Variants in CENPQ observed in about 807,000 individuals in gnomAD.
The protein encoded by CENPQ is chromosome 6 open reading frame 139.
A neutral mutation model predicts 36.6 loss-of-function variants in CENPQ; 27 were observed. The ratio of observed to expected loss-of-function variants is 0.74; its 90% confidence interval spans 0.54 to 1.02. CENPQ has a LOEUF of 1.02. Among genes scored for constraint, CENPQ ranks in the 50% least tolerant of loss-of-function variants. The pLI, the probability that CENPQ is intolerant of heterozygous loss-of-function variation, is 0.00. For synonymous variants in CENPQ, 101 were observed against 101.7 expected (o/e 0.99, Z 0.04); for missense variants, 306 against 301.8 (o/e 1.01, Z -0.10).
chr6:49,488,189 G>C (rs766288206), intron 6 of CENPQ, among the ~76,000 whole-genome samples, 163 bp from the exon 7 acceptor site: 1 of 152,122 alleles, frequency 6.6e-6, no homozygotes, highest in Non-Finnish European at 1.5e-5. Flanking sequence ...TTTCCAAGAA[G>C]TCTCTTTTTT....
At chr6:49,472,357 T>C (rs1196843409) in intron 4 of CENPQ, among the ~76,000 whole-genome samples, 174 bp downstream of exon 4, 2 of 152,182 alleles carry the variant, frequency 1.3e-5, no homozygotes, top group Non-Finnish European at 2.9e-5. Context: ...TCTTTGTTAA[T>C]TTTAGAAACC....
intron 6 of CENPQ, among the ~76,000 whole-genome samples, chr6:49,484,211 A>G (rs995280491): frequency 6.6e-5 from 10 of 152,342 alleles, no homozygotes; most frequent in Admixed American, 2.0e-4. Context: ...AATCCTCACA[A>G]TGACTTAGAG....
In CENPQ at chr6:49,472,794, A is replaced by G. The variant is rs555047187; in HGVS notation, c.283A>G (p.Ile95Val). The change falls in exon 5 of 9, where the codon ATT becomes GTT. Residue 95 changes from isoleucine (I) to valine (V), a missense_variant. Coordinates refer to ENST00000335783, the MANE Select transcript of CENPQ (RefSeq NM_018132.4). ...QTMMESVIMT[I>V]LSNSIKEKEE... ...CCATCTTTTTTTCTTTTCTAGGACA[A>G]TTTTGAGTAACAGTATTAAAGAAAA... is the stretch of plus-strand genomic sequence containing the variant. 8.3e-6 allele frequency: 12 copies of G among 1,444,722 alleles called. No homozygotes were observed. In the Admixed American group the frequency reaches 1.8e-4, roughly 21 times the overall value. 89.5% of individuals were successfully genotyped at this position (1,444,722 alleles called of 1,614,324 possible).
At chr6:49,483,451 C>T (rs546251458) in intron 6 of CENPQ, among the ~76,000 whole-genome samples, 1 of 152,134 alleles carries the variant, frequency 6.6e-6, no homozygotes, top group Non-Finnish European at 1.5e-5. Context: ...GTCGATGGGA[C>T]TGGGCACTGT....
chr6:49,465,398 C>T (rs1767978504), intron 1 of CENPQ, among the ~76,000 whole-genome samples: 1 of 152,190 alleles, frequency 6.6e-6, no homozygotes, highest in Non-Finnish European at 1.5e-5. Context: ...AAGTCACCAC[C>T]CATATTAGCC....
Position 49,492,286 on chromosome 6 carries a change from T to A in CENPQ, c.*11T>A. 5.1e-6 allele frequency: 8 copies of A among 1,566,584 alleles called. No homozygotes were observed. The highest frequency in any genetic ancestry group is 6.9e-6 in the Non-Finnish European group (8 of 1,162,780). On this transcript the variant is annotated 3_prime_UTR_variant, in exon 9 of 9. Transcript: ENST00000335783. ...CTGGATGCATCTTAAAGAGTGTTTTTTTTTTAGATTGTTCCATATTAATTT... is the reference window on the plus strand; with the variant it reads ...CTGGATGCATCTTAAAGAGTGTTTTATTTTTAGATTGTTCCATATTAATTT...
chr6:49,477,848 A>T (rs1768338837), intron 5 of CENPQ, among the ~76,000 whole-genome samples: 1 of 152,218 alleles, frequency 6.6e-6, no homozygotes, highest in South Asian at 2.1e-4. Flanking sequence ...AAGATATTAA[A>T]AAGATAATAA....
At chr6:49,484,859 G>A (rs1768538852) in intron 6 of CENPQ, among the ~76,000 whole-genome samples, 2 of 152,124 alleles carry the variant, frequency 1.3e-5, no homozygotes, top group Admixed American at 6.6e-5. Flanking sequence ...ACACTTAGAT[G>A]ACGTTTATTT....
At chr6:49,469,864 T>G (rs1179526483) in intron 1 of CENPQ, among the ~76,000 whole-genome samples, 1 of 152,156 alleles carries the variant, frequency 6.6e-6, no homozygotes, top group Non-Finnish European at 1.5e-5. Flanking sequence ...AAATAAGAGA[T>G]ACAAAAGCAT....
At position 49,480,972 on chromosome 6, in the gene CENPQ, T is replaced by A; in HGVS notation, c.369T>A (p.Thr123=). 1 of 1,604,596 alleles carries A rather than the reference T, an allele frequency of 6.2e-7. No homozygotes were observed. The highest frequency in any genetic ancestry group is 1.1e-5 in the South Asian group (1 of 89,140). The change falls in exon 6 of 9, where the codon ACT becomes ACA. Residue 123 remains threonine, a synonymous_variant. Coordinates refer to ENST00000335783, the MANE Select transcript of CENPQ (RefSeq NM_018132.4). ...TAAGATTGCTACAACAGTGTGAAACTCTGAAAGTCCCTCCCAAAAAGATGG... is the reference window on the plus strand; with the variant it reads ...TAAGATTGCTACAACAGTGTGAAACACTGAAAGTCCCTCCCAAAAAGATGG... ...LKKRLLQQCE[T]LKVPPKKMED...
chr6:49,466,198 G>C (rs1767995596), intron 1 of CENPQ, among the ~76,000 whole-genome samples: 1 of 152,184 alleles, frequency 6.6e-6, no homozygotes, highest in African/African-American at 2.4e-5. Context: ...TAAGTTCTCT[G>C]TCTGATATTG....
At chr6:49,486,473 T>C (rs1034765946) in intron 6 of CENPQ, among the ~76,000 whole-genome samples, 2 of 152,298 alleles carry the variant, frequency 1.3e-5, no homozygotes, top group Non-Finnish European at 2.9e-5. Context: ...GGAATACAGT[T>C]CACAAAATTT....
At chr6:49,469,289 G>A (rs1477287311) in intron 1 of CENPQ, among the ~76,000 whole-genome samples, 4 of 152,248 alleles carry the variant, frequency 2.6e-5, no homozygotes, top group African/African-American at 9.6e-5. Flanking sequence ...TAATTTATCT[G>A]TATATCTAGC....
rs1378175364 is a variant in CENPQ at position 49,472,203 on chromosome 6, A to G, written c.278+20A>G. The G allele has an allele frequency of 6.4e-7, 1 of 1,573,102 alleles. No homozygotes were observed. Among genetic ancestry groups the G allele is most frequent in the Non-Finnish European group, 8.6e-7 (1 of 1,160,336 alleles). ...AATAATGTGAGTATAAAATTGTTCC[A>G]TTTCATTCTTTTGGTTCCCATTTAG... On this transcript the variant is annotated intron_variant, in intron 4 of 8. Coordinates refer to ENST00000335783, the MANE Select transcript of CENPQ (RefSeq NM_018132.4).
chr6:49,481,016 C>A lies in CENPQ; in HGVS notation c.413C>A (p.Ser138Ter). ...AAGATGGAAGATTTAACTAATGTAT[C>A]AAGTCTACTGAATATGGAAAGGGCA... ...PKKMEDLTNVSSLLNMERARD... is the reference protein window; with the variant it reads ...PKKMEDLTNV The change falls in exon 6 of 9, where the codon TCA (serine) becomes TAA (stop). Residue 138 changes from serine (S) to a stop codon, truncating the protein, a stop_gained. Transcript: ENST00000335783. LOFTEE classifies it high-confidence loss of function. 6.2e-7 allele frequency: 1 copy of A among 1,610,020 alleles called. No homozygotes were observed. The highest frequency in any genetic ancestry group is 8.5e-7 in the Non-Finnish European group (1 of 1,177,248).
chr6:49,474,994 C>A (rs1768244565), intron 5 of CENPQ, among the ~76,000 whole-genome samples: 2 of 152,084 alleles, frequency 1.3e-5, no homozygotes, highest in African/African-American at 2.4e-5. Flanking sequence ...ATAACAGGCT[C>A]TGAAATGGAG....
intron 6 of CENPQ, among the ~76,000 whole-genome samples, chr6:49,484,083 G>T (rs535190810): frequency 6.6e-6 from 1 of 152,158 alleles, no homozygotes; most frequent in Non-Finnish European, 1.5e-5. Context: ...ATTTTAAAAC[G>T]TGGAAATTTT....
intron 6 of CENPQ, among the ~76,000 whole-genome samples, chr6:49,482,826 A>G (rs1768474433): frequency 1.3e-5 from 2 of 152,108 alleles, no homozygotes; most frequent in South Asian, 2.1e-4. Flanking sequence ...TCTTAAAGGC[A>G]GCGTTTCCGG....
At chr6:49,483,467 AG>A (rs1768501017) in intron 6 of CENPQ, among the ~76,000 whole-genome samples, 1 of 152,082 alleles carries the variant, frequency 6.6e-6, no homozygotes, top group African/African-American at 2.4e-5. Context: ...ACTGTGGAGC[AG>A]GGGGCGGCGC....
Sources: allele counts gnomAD v4.1 joint callset (sites outside exome capture counted in the v4.1 genomes callset), GRCh38; gene constraint gnomAD v4.1.1; transcripts MANE v1.5; gene names NCBI Gene and HGNC (gene_info 2026-07-23, HGNC 2026-07-21).